Variants in NPAS3 observed in about 807,000 individuals in gnomAD.
NPAS3 encodes neuronal PAS domain protein 3.
In NPAS3, 14 loss-of-function variants were observed where a neutral mutation model predicts 73.1. The ratio of observed to expected loss-of-function variants is 0.19; its 90% CI spans 0.13 to 0.30. The LOEUF (loss-of-function observed/expected upper bound fraction) is 0.30, where lower values mean the gene tolerates loss of function less well. NPAS3 is among the 10% of genes least tolerant of loss of function. NPAS3 has a pLI of 1.00. For missense variants in NPAS3, 1,096 were observed against 1,250.0 expected (o/e 0.88, Z 1.86); for synonymous variants, 620 against 541.5 (o/e 1.14, Z -2.01).
At chr14:33,494,473 T>A (rs2052066488) in intron 4 of NPAS3, among the ~76,000 whole-genome samples, 2 of 152,224 alleles carry the variant, frequency 1.3e-5, no homozygotes, top group South Asian at 2.1e-4. Context: ...TTAGATCTTG[T>A]GTTTGGAACC....
Position 33,023,927 on chromosome 14 carries a change from A to G in NPAS3, c.51-31978A>G, listed in dbSNP as rs139951801. ...ATTGAACATTTACTGTATGTCGACC[A>G]CTAATGTAGGGGTGCAAAGATGAAA... On this transcript the variant is annotated intron_variant, in intron 1 of 11. Coordinates refer to ENST00000356141, the Ensembl canonical transcript of NPAS3. 2.9e-3 allele frequency among the ~76,000 whole-genome samples: 443 copies of G among 152,226 alleles called. 4 individuals are homozygous for G. Among genetic ancestry groups the G allele is most frequent in the African/African-American group, 0.01 (418 of 41,530 alleles).
chr14:33,082,100 TG>T (rs1465246753), intron 2 of NPAS3, among the ~76,000 whole-genome samples: 1 of 152,230 alleles, frequency 6.6e-6, no homozygotes, highest in East Asian at 1.9e-4. Flanking sequence ...CAGTGAATAG[TG>T]TTGGTTGACT....
chr14:32,983,178 T>C (rs1262049424), intron 1 of NPAS3, among the ~76,000 whole-genome samples: 1 of 152,198 alleles, frequency 6.6e-6, no homozygotes. Flanking sequence ...TATGCCCCAT[T>C]AAAGACTATT....
At chr14:33,331,550 G>A (rs117654060) in intron 3 of NPAS3, among the ~76,000 whole-genome samples, 1 of 146,880 alleles carries the variant, frequency 6.8e-6, no homozygotes, top group Non-Finnish European at 1.5e-5. Context: ...TCCCCCCACC[G>A]CTTTTTTCTA....
chr14:33,246,127 A>T (rs1014975086), intron 3 of NPAS3, among the ~76,000 whole-genome samples: 1 of 152,090 alleles, frequency 6.6e-6, no homozygotes, highest in Non-Finnish European at 1.5e-5. Flanking sequence ...ATATGCCTCG[A>T]GCCTCAATTT....
intron 4 of NPAS3, among the ~76,000 whole-genome samples, chr14:33,534,678 G>A (rs1330976138): frequency 1.3e-5 from 2 of 152,156 alleles, no homozygotes; most frequent in South Asian, 2.1e-4. Context: ...TTATTTAATC[G>A]CATTTTTTCT....
chr14:33,308,460 T>C (rs2042846323), intron 3 of NPAS3, among the ~76,000 whole-genome samples: 1 of 150,118 alleles, frequency 6.7e-6, no homozygotes, highest in Non-Finnish European at 1.5e-5. Flanking sequence ...GTGATTGAAG[T>C]TTGGAAATTT....
intron 2 of NPAS3, among the ~76,000 whole-genome samples, chr14:33,171,367 T>TGA (rs1353489036): frequency 6.6e-6 from 1 of 152,194 alleles, no homozygotes; most frequent in African/African-American, 2.4e-5. Flanking sequence ...GAATGATAAA[T>TGA]GAGAGTTGGC....
At chr14:33,351,051 G>C (rs1232072219) in intron 3 of NPAS3, among the ~76,000 whole-genome samples, 1 of 152,172 alleles carries the variant, frequency 6.6e-6, no homozygotes, top group African/African-American at 2.4e-5. Context: ...ATACAAGCTT[G>C]CCAAGCTCAG....
chr14:33,527,800 G>T (rs980853482), intron 4 of NPAS3, among the ~76,000 whole-genome samples: 2 of 152,104 alleles, frequency 1.3e-5, no homozygotes, highest in African/African-American at 4.8e-5. Context: ...AGTGCTGGGG[G>T]CTTCCTTTTG....
chr14:33,480,564 CCTCCCTCCCTCT>C (rs2051274361), intron 4 of NPAS3, among the ~76,000 whole-genome samples: 1 of 65,402 alleles, frequency 1.5e-5, no homozygotes, highest in Non-Finnish European at 2.6e-5. Context: ...TCCCTCCCTC[CCTCCCTCCCTCT>C]CTCTCTCTCC....
At chr14:33,580,458 A>G (rs1414287846) in intron 5 of NPAS3, among the ~76,000 whole-genome samples, 1 of 152,208 alleles carries the variant, frequency 6.6e-6, no homozygotes, top group Non-Finnish European at 1.5e-5. Flanking sequence ...GCCAGACGGC[A>G]GGTGTATTTT....
chr14:33,330,238 A>T (rs765208241), intron 3 of NPAS3, among the ~76,000 whole-genome samples: 1 of 152,126 alleles, frequency 6.6e-6, no homozygotes, highest in Non-Finnish European at 1.5e-5. Flanking sequence ...GTGAGACACC[A>T]TCTCAAAAAC....
chr14:33,530,411 A>G (rs1249174860), intron 4 of NPAS3, among the ~76,000 whole-genome samples: 1 of 152,164 alleles, frequency 6.6e-6, no homozygotes, highest in East Asian at 1.9e-4. Context: ...AATTAGCATA[A>G]TTAGAGTATC....
intron 3 of NPAS3, among the ~76,000 whole-genome samples, chr14:33,247,741 C>T (rs762944395): frequency 1.3e-5 from 2 of 152,080 alleles, no homozygotes; most frequent in Admixed American, 6.6e-5. Flanking sequence ...GTCCTCATGT[C>T]GAAAAGATAG....
chr14:33,179,773 T>C (rs1298322932), intron 2 of NPAS3, among the ~76,000 whole-genome samples: 1 of 152,168 alleles, frequency 6.6e-6, no homozygotes, highest in Admixed American at 6.5e-5. Context: ...AGTGGAGGAA[T>C]GGATGGGAAA....
At position 33,605,086 on chromosome 14, in the gene NPAS3, A is replaced by T. The variant is rs146209291; in HGVS notation, c.558+44876A>T. The stretch of plus-strand genomic sequence containing the variant: ...GAATAGAAATAATTAAGATTAAAGT[A>T]GAAATCAATGAAATAGAAACCAATA... On this transcript the variant is annotated intron_variant, in intron 5 of 11. Coordinates refer to ENST00000356141, the Ensembl canonical transcript of NPAS3. 1.2e-3 allele frequency among the ~76,000 whole-genome samples: 178 copies of T among 152,180 alleles called. 3 individuals are homozygous for T. Among genetic ancestry groups the T allele is most frequent in the African/African-American group, 4.0e-3 (167 of 41,568 alleles).
chr14:33,365,073 C>G (rs571202735), intron 3 of NPAS3, among the ~76,000 whole-genome samples: 1 of 151,368 alleles, frequency 6.6e-6, no homozygotes, highest in Non-Finnish European at 1.5e-5. Flanking sequence ...AAGTGCCCCC[C>G]CAAATTATGA....
intron 3 of NPAS3, among the ~76,000 whole-genome samples, chr14:33,301,322 ATTTTTTT>A (rs56242001): frequency 0.065 from 6,480 of 99,680 alleles, 1,356 homozygotes; most frequent in East Asian, 0.21. Context: ...ATATATATAT[ATTTTTTT>A]TTTTTAAATC....
Sources: gnomAD v4.1 joint callset for allele counts (sites outside exome capture counted in the v4.1 genomes callset) on GRCh38, gnomAD v4.1.1 for gene constraint, MANE v1.5 for transcripts, NCBI Gene and HGNC (gene_info 2026-07-23, HGNC 2026-07-21) for gene names.